CTNNA2: variants seen among roughly 807,000 people sequenced by gnomAD.
CTNNA2 encodes catenin alpha 2.
In CTNNA2, 42 loss-of-function variants were observed where a neutral mutation model predicts 101.0. The observed-to-expected ratio is 0.42, with a 90% CI of 0.32 to 0.54. The LOEUF (loss-of-function observed/expected upper bound fraction) is 0.54, where lower values mean the gene tolerates loss of function less well. Among genes scored for constraint, CTNNA2 ranks in the 20% least tolerant of loss-of-function variants. CTNNA2 has a pLI of 0.14. For missense variants in CTNNA2, 871 were observed against 1,223.1 expected (o/e 0.71, Z 4.29); for synonymous variants, 450 against 456.4 (o/e 0.99, Z 0.18).
At chr2:79,228,984 T>A (rs1558580305) in intron 2 of CTNNA2, among the ~76,000 whole-genome samples, 1 of 152,198 alleles carries the variant, frequency 6.6e-6, no homozygotes, top group Non-Finnish European at 1.5e-5. Flanking sequence ...GGCTAGCCAG[T>A]TATCTTAGCA....
chr2:79,189,806 A>G (rs1217983388), intron 1 of CTNNA2, among the ~76,000 whole-genome samples: 3 of 152,168 alleles, frequency 2.0e-5, no homozygotes, highest in Non-Finnish European at 2.9e-5. Flanking sequence ...GTACTTGAGG[A>G]AGGGTCCTGG....
intron 8 of CTNNA2, among the ~76,000 whole-genome samples, chr2:80,407,264 G>T (rs982250394): frequency 3.3e-5 from 5 of 152,156 alleles, no homozygotes; most frequent in Admixed American, 3.3e-4. Flanking sequence ...AGCCTCCTCA[G>T]TTCTCTTCTT....
intron 4 of CTNNA2, among the ~76,000 whole-genome samples, chr2:79,476,845 C>T (rs916835536): frequency 6.6e-6 from 1 of 152,186 alleles, no homozygotes; most frequent in African/African-American, 2.4e-5. Flanking sequence ...CTGTACTCAA[C>T]AAAACTTAGT....
At chr2:80,179,963 G>C (rs1400159786) in intron 7 of CTNNA2, among the ~76,000 whole-genome samples, 3 of 152,234 alleles carry the variant, frequency 2.0e-5, no homozygotes, top group African/African-American at 7.2e-5. Context: ...AGTTGGACCT[G>C]AGCTAAAACT....
intron 2 of CTNNA2, among the ~76,000 whole-genome samples, chr2:79,687,275 GA>G (rs1227272439): frequency 6.6e-6 from 1 of 151,982 alleles, no homozygotes; most frequent in African/African-American, 2.4e-5. Flanking sequence ...GCTTAATTCT[GA>G]AAAAGTGATA....
intron 9 of CTNNA2, among the ~76,000 whole-genome samples, chr2:80,508,181 G>A (rs1314658213): frequency 2.0e-5 from 3 of 152,086 alleles, no homozygotes; most frequent in African/African-American, 7.2e-5. Context: ...GAATAAACAA[G>A]TGGGGCTGGA....
chr2:79,313,310 AATATGATGTGT>A (rs1481124519), intron 3 of CTNNA2, among the ~76,000 whole-genome samples: 1 of 152,228 alleles, frequency 6.6e-6, no homozygotes, highest in Non-Finnish European at 1.5e-5. Flanking sequence ...CCACCATTAA[AATATGATGTGT>A]ATATGAGAAT....
intron 3 of CTNNA2, among the ~76,000 whole-genome samples, chr2:79,776,186 C>T (rs17040669): frequency 1.3e-5 from 2 of 151,940 alleles, no homozygotes; most frequent in Non-Finnish European, 2.9e-5. Context: ...AATAATGAAA[C>T]TTTGAACACG....
chr2:79,275,473 T>C (rs1000586217), intron 2 of CTNNA2, among the ~76,000 whole-genome samples: 2 of 152,056 alleles, frequency 1.3e-5, no homozygotes, highest in African/African-American at 4.8e-5. Flanking sequence ...TCAAGTAATC[T>C]TCACAGTAGT....
At chr2:79,638,341 C>A (rs1454537301) in intron 1 of CTNNA2, among the ~76,000 whole-genome samples, 1 of 152,040 alleles carries the variant, frequency 6.6e-6, no homozygotes, top group Non-Finnish European at 1.5e-5. Flanking sequence ...CCACAGATGA[C>A]CAGAAGGAAA....
chr2:79,195,554 T>G (rs764982770), intron 1 of CTNNA2, among the ~76,000 whole-genome samples: 1 of 152,094 alleles, frequency 6.6e-6, no homozygotes, highest in Non-Finnish European at 1.5e-5. Flanking sequence ...CCAAAAGAAA[T>G]GTATTTGCTG....
At chr2:79,531,195 C>CAT (rs34087238) in intron 1 of CTNNA2, among the ~76,000 whole-genome samples, 4,967 of 109,276 alleles carry the variant, frequency 0.045, 143 homozygotes, top group East Asian at 0.086. Context: ...TAGATACGCT[C>CAT]ATATATATAT....
intron 4 of CTNNA2, among the ~76,000 whole-genome samples, chr2:79,436,708 T>A (rs1678720536): frequency 6.6e-6 from 1 of 151,950 alleles, no homozygotes; most frequent in South Asian, 2.1e-4. Flanking sequence ...CTCGGCTCAC[T>A]GCAAGCTTCC....
chr2:80,465,482 T>C (rs1238190109), intron 9 of CTNNA2, among the ~76,000 whole-genome samples: 1 of 152,150 alleles, frequency 6.6e-6, no homozygotes, highest in African/African-American at 2.4e-5. Flanking sequence ...TTGGCACATG[T>C]TGCCAGGAAC....
chr2:79,887,069 A>G (rs1012638508), intron 6 of CTNNA2, among the ~76,000 whole-genome samples: 25 of 152,172 alleles, frequency 1.6e-4, no homozygotes, highest in Admixed American at 1.5e-3. Context: ...TGCCCAACTC[A>G]GCTTCCCAAA....
intron 4 of CTNNA2, among the ~76,000 whole-genome samples, chr2:79,414,419 C>T (rs1678453591): frequency 6.6e-6 from 1 of 151,986 alleles, no homozygotes; most frequent in Non-Finnish European, 1.5e-5. Context: ...AAAACACTAG[C>T]TCAATGAGTT....
chr2:79,954,384 T>G (rs1689082647), intron 7 of CTNNA2, among the ~76,000 whole-genome samples: 2 of 152,126 alleles, frequency 1.3e-5, no homozygotes, highest in Admixed American at 6.6e-5. Flanking sequence ...AAAAATAAAT[T>G]CAGCTCTTCT....
chr2:79,448,741 G>C (rs1480793647), intron 4 of CTNNA2, among the ~76,000 whole-genome samples: 1 of 152,038 alleles, frequency 6.6e-6, no homozygotes, highest in African/African-American at 2.4e-5. Context: ...CTCGTGACAG[G>C]TCTTCTGGCT....
intron 3 of CTNNA2, among the ~76,000 whole-genome samples, chr2:79,788,261 T>C (rs1675005195): frequency 6.6e-6 from 1 of 152,014 alleles, no homozygotes; most frequent in African/African-American, 2.4e-5. Context: ...CAGACTCACG[T>C]GGTGGAAAGC....
Sources: gnomAD v4.1 joint callset for allele counts (sites outside exome capture counted in the v4.1 genomes callset) on GRCh38, gnomAD v4.1.1 for gene constraint, MANE v1.5 for transcripts, NCBI Gene and HGNC (gene_info 2026-07-23, HGNC 2026-07-21) for gene names.